Variants in KIF2A observed in about 807,000 individuals in gnomAD.
The protein encoded by KIF2A is kinesin-like protein KIF2A.
Under a neutral mutation model 100.2 loss-of-function variants are expected in KIF2A, and 22 were observed. The observed-to-expected ratio is 0.22, with a 90% CI of 0.16 to 0.31. The LOEUF (loss-of-function observed/expected upper bound fraction) is 0.31. Ranked by LOEUF, KIF2A falls within the 10% of genes least tolerant of loss-of-function variation. KIF2A has a pLI of 1.00. For synonymous variants in KIF2A, 268 were observed against 285.9 expected (o/e 0.94, Z 0.63); for missense variants, 495 against 898.7 (o/e 0.55, Z 5.74).
intron 1 of KIF2A, among the ~76,000 whole-genome samples, chr5:62,326,373 T>C (rs952087580): frequency 6.6e-6 from 1 of 152,176 alleles, no homozygotes; most frequent in African/African-American, 2.4e-5. Context: ...TGTTTGCTCC[T>C]GGCCCACCCA....
intron 1 of KIF2A, among the ~76,000 whole-genome samples, chr5:62,342,995 G>C (rs554126000): frequency 6.6e-6 from 1 of 152,074 alleles, no homozygotes; most frequent in East Asian, 1.9e-4. Flanking sequence ...CAAGTGATCT[G>C]CCCGCCTCAG....
intron 14 of KIF2A, among the ~76,000 whole-genome samples, chr5:62,364,345 A>C (rs1740963940): frequency 6.6e-6 from 1 of 152,156 alleles, no homozygotes; most frequent in East Asian, 1.9e-4. Context: ...ATGGGGTTTC[A>C]CCATGTTGGC....
chr5:62,377,394 T>C (rs924532190), intron 18 of KIF2A, among the ~76,000 whole-genome samples: 2 of 152,238 alleles, frequency 1.3e-5, no homozygotes, highest in Non-Finnish European at 2.9e-5. Flanking sequence ...AAGAGAGTAC[T>C]CTTTCAGCAT....
intron 5 of KIF2A, 147 bp downstream of exon 5, chr5:62,352,857 T>G: frequency 4.9e-6 from 3 of 617,266 alleles, no homozygotes; most frequent in Non-Finnish European, 7.7e-6. Flanking sequence ...ATTTAACTTC[T>G]TCTTATTAGT....
At position 62,306,517 on chromosome 5, in the gene KIF2A, G is replaced by A. The variant is rs1345401384; in HGVS notation, c.45G>A (p.Val15=). 1 of 1,546,338 alleles carries A rather than the reference G, an allele frequency of 6.5e-7. No individual in the cohort carries two copies. The highest frequency in any genetic ancestry group is 1.2e-5 in the South Asian group (1 of 83,258). Residue 15 remains valine, a synonymous_variant, in exon 1 of 21, where the codon GTG becomes GTA. Transcript: ENST00000407818. ...NFGKIQIGIY[V]EIKRSDGRIH... ...GCAAGATCCAGATCGGGATTTACGT[G>A]GAGATCAAGCGCAGCGATGGTGAGC...
At chr5:62,369,461 G>T (rs1252054141) in intron 16 of KIF2A, among the ~76,000 whole-genome samples, 1 of 152,194 alleles carries the variant, frequency 6.6e-6, no homozygotes, top group Non-Finnish European at 1.5e-5. Flanking sequence ...CCTGGAGGAA[G>T]TTGCCCCCAT....
At chr5:62,329,553 T>A (rs1353620143) in intron 1 of KIF2A, among the ~76,000 whole-genome samples, 1 of 152,234 alleles carries the variant, frequency 6.6e-6, no homozygotes, top group Non-Finnish European at 1.5e-5. Flanking sequence ...AAATTGACAT[T>A]TACTGTTAGA....
chr5:62,376,918 C>T (rs932065365), intron 18 of KIF2A, among the ~76,000 whole-genome samples: 1 of 152,118 alleles, frequency 6.6e-6, no homozygotes, highest in African/African-American at 2.4e-5. Flanking sequence ...ACAAGTCCCA[C>T]AGCTGGCCCC....
intron 1 of KIF2A, among the ~76,000 whole-genome samples, chr5:62,341,657 T>G (rs1747302737): frequency 1.3e-5 from 2 of 152,140 alleles, no homozygotes; most frequent in African/African-American, 4.8e-5. Context: ...CTTTGGAGAT[T>G]AAAGTTTCTG....
At chr5:62,346,235 C>T (rs1174075787) in intron 1 of KIF2A, among the ~76,000 whole-genome samples, 1 of 152,062 alleles carries the variant, frequency 6.6e-6, no homozygotes, top group East Asian at 1.9e-4. Flanking sequence ...ATAATATCTT[C>T]TCTCTACAGA....
At chr5:62,306,898 G>C (rs1745317886) in intron 1 of KIF2A, 1 of 240,018 alleles carries the variant, frequency 4.2e-6, no homozygotes, top group African/African-American at 2.3e-5. Context: ...CGTTAGGGAT[G>C]ACCCTGCCTC....
At chr5:62,382,713 A>G (rs1031352951) in intron 20 of KIF2A, among the ~76,000 whole-genome samples, 6 of 148,198 alleles carry the variant, frequency 4.0e-5, no homozygotes, top group African/African-American at 1.5e-4. Context: ...AGCTCAATGC[A>G]ACCTCTACCT....
At position 62,388,774 on chromosome 5, in the gene KIF2A, G is replaced by A; in HGVS notation, c.*3205G>A. On this transcript the variant is annotated 3_prime_UTR_variant, in exon 21 of 21. Transcript: ENST00000407818. ...AAAGTTGTGCGTCTCTGCGGCTCCT[G>A]AACTTGAAGATTATTATGAATAGAT... The A allele has an allele frequency of 3.7e-6, 2 of 535,848 alleles. No individual in the cohort carries two copies. Among genetic ancestry groups the A allele is most frequent in the Non-Finnish European group, 6.7e-6 (2 of 299,296 alleles). The allele number at this position is 535,848 out of a possible 1,614,324, so 33.2% of individuals were successfully genotyped here. A position where few individuals can be genotyped will look rare whatever the true frequency, so the allele number is the denominator to read the frequency against.
intron 19 of KIF2A, 97 bp from the exon 20 acceptor site, chr5:62,381,021 A>T (rs1741752447): frequency 1.2e-6 from 1 of 863,758 alleles, no homozygotes; most frequent in African/African-American, 1.7e-5. Context: ...TTTAGAGAAT[A>T]CTATCTTAAG....
rs1342133024 is a variant in KIF2A at position 62,365,371 on chromosome 5, TTTTG to T, written c.1578+26_1578+29del. 8 of 1,271,820 alleles carry T rather than the reference TTTTG, an allele frequency of 6.3e-6. No individual in the cohort carries two copies. The highest frequency in any genetic ancestry group is 2.6e-5 in the South Asian group (2 of 77,220). 78.8% of individuals were successfully genotyped at this position (1,271,820 alleles called of 1,614,324 possible). A position where few individuals can be genotyped will look rare whatever the true frequency, so the allele number is the denominator to read the frequency against. On this transcript the variant is annotated intron_variant, in intron 15 of 20. Transcript: ENST00000407818. The stretch of plus-strand genomic sequence containing the variant: ...CCTGCATGGTAAGTTTATGTTTATT[TTTTG>T]TTTGTTTTATTTTAATCCTAAAGGA...
In KIF2A at chr5:62,363,328, T is replaced by A. The variant is rs1740898287; in HGVS notation, c.1262+8T>A. 2.5e-6 allele frequency: 4 copies of A among 1,605,248 alleles called. No individual in the cohort carries two copies. The highest frequency in any genetic ancestry group is 3.4e-6 in the Non-Finnish European group (4 of 1,176,982). Reference sequence around the variant, plus strand: ...CATAGGCAACAGTTGCAGGTAAATCTCATTTTGATTAAGAAAGGAAACATC... The same window carrying A: ...CATAGGCAACAGTTGCAGGTAAATCACATTTTGATTAAGAAAGGAAACATC... On this transcript the variant is annotated splice_region_variant and intron_variant, in intron 13 of 20. Transcript: ENST00000407818.
chr5:62,322,499 A>G (rs1164697786), intron 1 of KIF2A, among the ~76,000 whole-genome samples: 3 of 152,180 alleles, frequency 2.0e-5, no homozygotes, highest in African/African-American at 4.8e-5. Context: ...AGGCCTTTCC[A>G]TGGACTATAT....
chr5:62,370,442 C>T (rs369976521), intron 16 of KIF2A, among the ~76,000 whole-genome samples: 2 of 152,046 alleles, frequency 1.3e-5, no homozygotes, highest in African/African-American at 2.4e-5. Flanking sequence ...TACAGGCGCC[C>T]GTCACCACGC....
intron 1 of KIF2A, among the ~76,000 whole-genome samples, chr5:62,337,518 A>G (rs1384845676): frequency 1.3e-5 from 2 of 151,914 alleles, no homozygotes; most frequent in African/African-American, 4.8e-5. Flanking sequence ...TAGTATAACC[A>G]TGATACCAAA....
Sources: gnomAD v4.1 joint callset for allele counts (sites outside exome capture counted in the v4.1 genomes callset) on GRCh38, gnomAD v4.1.1 for gene constraint, MANE v1.5 for transcripts, NCBI Gene and HGNC (gene_info 2026-07-23, HGNC 2026-07-21) for gene names.